GUCY2F: variants seen among roughly 807,000 people sequenced by gnomAD.
GUCY2F encodes retinal guanylyl cyclase 2.
Under a neutral mutation model 73.1 loss-of-function variants are expected in GUCY2F, and 61 were observed. The observed-to-expected ratio is 0.83, with a 90% CI of 0.68 to 1.03. The LOEUF (loss-of-function observed/expected upper bound fraction) is 1.03, where lower values mean the gene tolerates loss of function less well. Among genes scored for constraint, GUCY2F ranks in the 50% least tolerant of loss-of-function variants. The pLI is 0.00. For missense variants in GUCY2F, 912 were observed against 854.3 expected (o/e 1.07, Z -0.84); for synonymous variants, 331 against 307.8 (o/e 1.08, Z -0.79).
At chrX:109,458,091 C>G (rs1261750124) in intron 3 of GUCY2F, among the ~76,000 whole-genome samples, 1 of 111,701 alleles carries the variant, frequency 9.0e-6, no homozygotes, top group Admixed American at 9.5e-5. Flanking sequence ...ATTTATTGTT[C>G]TCTTTTCACA....
chrX:109,443,779 G>A (rs1931930810), intron 6 of GUCY2F, among the ~76,000 whole-genome samples: 1 of 111,976 alleles, frequency 8.9e-6, no homozygotes, highest in African/African-American at 3.2e-5. Context: ...ATTTTGACAT[G>A]GATACCACCA....
At chrX:109,428,399 C>A (rs1297795756) in intron 8 of GUCY2F, among the ~76,000 whole-genome samples, 2 of 111,856 alleles carry the variant, frequency 1.8e-5, no homozygotes, top group Non-Finnish European at 3.8e-5. Flanking sequence ...GATGCATAGT[C>A]TAAATCGATC....
At chrX:109,388,338 T>A in intron 15 of GUCY2F, 151 bp downstream of exon 15, 1 of 456,319 alleles carries the variant, frequency 2.2e-6, no homozygotes, top group Non-Finnish European at 3.8e-6. Flanking sequence ...GGGAGGAGAG[T>A]AAATTTGGGT....
At chrX:109,439,719 A>C (rs1472166257) in intron 7 of GUCY2F, among the ~76,000 whole-genome samples, 1 of 112,139 alleles carries the variant, frequency 8.9e-6, no homozygotes, top group Non-Finnish European at 1.9e-5. Context: ...GACATAATTC[A>C]GCCAAGTTAT....
intron 5 of GUCY2F, 78 bp from the exon 6 acceptor site, chrX:109,448,243 G>A: frequency 1.9e-6 from 1 of 523,519 alleles, no homozygotes; most frequent in Non-Finnish European, 3.4e-6. Flanking sequence ...CCCTAAGATA[G>A]CACTTAAAGA....
rs761664456 is a variant in GUCY2F, at chrX:109,385,278, C to T, written c.2961G>A (p.Pro987=). The part of the protein sequence containing the change: ...VRIRIGLHSG[P]VVAGVVGLTM... ...TGAGGCCCACCACTCCAGCAACAAC[C>T]GGCCCTATAGAGTATCAGGGGGTTG... The change falls in exon 16 of 20, where the codon CCG becomes CCA. Residue 987 remains proline, a synonymous_variant. Coordinates refer to ENST00000218006, the MANE Select transcript of GUCY2F (RefSeq NM_001522.3). The T allele has an allele frequency of 9.4e-5, 107 of 1,134,954 alleles. No individual in the cohort carries two copies. The highest frequency in any genetic ancestry group is 1.5e-4 in the East Asian group (5 of 33,190). The allele number at this position is 1,134,954 out of a possible 1,213,427, so 93.5% of individuals were successfully genotyped here.
intron 8 of GUCY2F, among the ~76,000 whole-genome samples, chrX:109,420,106 A>G (rs1398494838): frequency 9.2e-6 from 1 of 108,434 alleles, no homozygotes; most frequent in African/African-American, 3.3e-5. Context: ...CTGGGTATCT[A>G]TATGCAAAAA....
chrX:109,435,914 A>C (rs1279158596), intron 7 of GUCY2F, among the ~76,000 whole-genome samples: 20 of 111,241 alleles, frequency 1.8e-4, no homozygotes, highest in Non-Finnish European at 3.4e-4. Context: ...GGTTCTGTTT[A>C]TATGCTGGAT....
intron 15 of GUCY2F, among the ~76,000 whole-genome samples, chrX:109,386,478 T>A (rs1930439241): frequency 8.9e-6 from 1 of 111,733 alleles, no homozygotes; most frequent in Admixed American, 9.5e-5. Flanking sequence ...GTCTGCCTAG[T>A]TCACATGGCT....
chrX:109,437,386 C>T (rs1452519140), intron 7 of GUCY2F, among the ~76,000 whole-genome samples: 1 of 112,801 alleles, frequency 8.9e-6, no homozygotes, highest in Non-Finnish European at 1.9e-5. Flanking sequence ...CTCTCTGCCT[C>T]CTTCCAAAAT....
chrX:109,431,219 A>G (rs1034358284), intron 7 of GUCY2F, among the ~76,000 whole-genome samples: 1 of 111,801 alleles, frequency 8.9e-6, no homozygotes, highest in Non-Finnish European at 1.9e-5. Context: ...TAAAAAAAAT[A>G]TCAATATAGA....
rs140538811 is a variant in GUCY2F at position 109,392,938 on chromosome X, T to C, written c.2542A>G (p.Ile848Val). ...AGCTTTTCCGTTTTCTGTTTTTCAA[T>C]TTCCAGCTCTTCAGTCCGCTCCCGA... ...LIRERTEELE[I>V]EKQKTEKLLT... Residue 848 changes from isoleucine (I) to valine (V), a missense_variant, in exon 13 of 20, where the codon ATT becomes GTT. Physicochemically the swap from Ile to Val is conservative, Grantham distance 29. Transcript: ENST00000218006. The C allele has an allele frequency of 5.9e-6, 7 of 1,186,132 alleles. No individual in the cohort carries two copies. Among genetic ancestry groups the C allele is most frequent in the Non-Finnish European group, 8.0e-6 (7 of 874,060 alleles).
At chrX:109,393,148 C>A in intron 12 of GUCY2F, 93 bp from the exon 13 acceptor site, 1 of 523,907 alleles carries the variant, frequency 1.9e-6, no homozygotes, top group Non-Finnish European at 3.3e-6. Flanking sequence ...TCCATTCCAC[C>A]AAAATGCCAG....
At chrX:109,450,553 A>T (rs1054634542) in intron 5 of GUCY2F, among the ~76,000 whole-genome samples, 13 of 112,277 alleles carry the variant, frequency 1.2e-4, no homozygotes, top group African/African-American at 4.2e-4. Flanking sequence ...TATTTTTGCT[A>T]AGAATCTAAT....
Position 109,453,620 on chromosome X carries a change from C to T in GUCY2F, c.1272G>A (p.Val424=), listed in dbSNP as rs138550079. 7 of 1,199,895 alleles carry T rather than the reference C, an allele frequency of 5.8e-6. No individual in the cohort carries two copies. The African/African-American group carries it at 8.8e-5, about 15-fold the overall frequency. ...KEWELHSTYT[V]DMEMELLRFG... ...AACGTAGCAGCTCCATTTCCATGTCCACAGTGTAGGTGCTATGGAGTTCCC... is the reference window on the plus strand; with the variant it reads ...AACGTAGCAGCTCCATTTCCATGTCTACAGTGTAGGTGCTATGGAGTTCCC... The change falls in exon 4 of 20, where the codon GTG becomes GTA. Residue 424 remains valine (V), a synonymous_variant. Coordinates refer to ENST00000218006, the MANE Select transcript of GUCY2F (RefSeq NM_001522.3).
intron 19 of GUCY2F, 72 bp downstream of exon 19, chrX:109,375,826 C>T (rs927287546): frequency 3.8e-5 from 27 of 703,732 alleles, no homozygotes; most frequent in South Asian, 3.0e-4. Context: ...GACACTGGCA[C>T]GCATGCCAAA....
At chrX:109,398,272 T>G (rs983922709) in intron 11 of GUCY2F, among the ~76,000 whole-genome samples, 4 of 110,511 alleles carry the variant, frequency 3.6e-5, no homozygotes, top group Admixed American at 9.6e-5. Flanking sequence ...GAGGGGACTG[T>G]GAAATTAAAA....
At chrX:109,385,056 TTA>T (rs1299450623) in intron 16 of GUCY2F, 126 bp downstream of exon 16, 2 of 406,774 alleles carry the variant, frequency 4.9e-6, no homozygotes, top group Non-Finnish European at 8.6e-6. Context: ...TCTTCTCAAA[TTA>T]TCTTTTATTT....
intron 3 of GUCY2F, among the ~76,000 whole-genome samples, chrX:109,463,351 G>A (rs1932399654): frequency 9.0e-6 from 1 of 110,716 alleles, no homozygotes; most frequent in Non-Finnish European, 1.9e-5. Context: ...ATTGGTTTAG[G>A]CATGGGCATG....
Sources: allele counts gnomAD v4.1 joint callset (sites outside exome capture counted in the v4.1 genomes callset), GRCh38; gene constraint gnomAD v4.1.1; transcripts MANE v1.5; gene names NCBI Gene and HGNC (gene_info 2026-07-23, HGNC 2026-07-21).